The following NFYC variants were observed in gnomAD, a reference collection of about 807,000 sequenced individuals.
NFYC encodes the protein CAAT box DNA-binding protein subunit C.
Under a neutral mutation model 53.1 loss-of-function variants are expected in NFYC, and 25 were observed. The ratio of observed to expected loss-of-function variants is 0.47; its 90% CI spans 0.34 to 0.66. The LOEUF is 0.66. NFYC is among the 30% of genes least tolerant of loss of function. The pLI, the probability that NFYC is intolerant of heterozygous loss-of-function variation, is 0.01. For missense variants in NFYC, 260 were observed against 422.7 expected, an observed-to-expected ratio of 0.62 and a Z score of 3.38; for synonymous variants, 145 against 152.6, an observed-to-expected ratio of 0.95 and a Z score of 0.37.
intron 1 of NFYC, among the ~76,000 whole-genome samples, chr1:40,734,110 G>A (rs1644904068): frequency 6.6e-6 from 1 of 151,994 alleles, no homozygotes; most frequent in Non-Finnish European, 1.5e-5. Context: ...CAAACTACTG[G>A]CCTGAAGTGA....
intron 1 of NFYC, among the ~76,000 whole-genome samples, chr1:40,738,313 A>G (rs1403820504): frequency 6.6e-6 from 1 of 152,200 alleles, no homozygotes; most frequent in Non-Finnish European, 1.5e-5. Context: ...AACCACAGGC[A>G]TGCACCTTTG....
intron 1 of NFYC, 32 bp from the exon 2 acceptor site, chr1:40,738,804 C>T: frequency 6.7e-7 from 1 of 1,486,728 alleles, no homozygotes; most frequent in Non-Finnish European, 9.4e-7. Context: ...TTTATTGTTT[C>T]TAATGTGTCT....
intron 2 of NFYC, among the ~76,000 whole-genome samples, chr1:40,744,978 A>G (rs1557856274): frequency 6.6e-6 from 1 of 152,204 alleles, no homozygotes; most frequent in Non-Finnish European, 1.5e-5. Flanking sequence ...CTCAAGATCC[A>G]CTTTTACACA....
At chr1:40,767,164 G>A (rs1646856834) in intron 8 of NFYC, 1 of 597,670 alleles carries the variant, frequency 1.7e-6, no homozygotes, top group African/African-American at 1.8e-5. Context: ...CTCCTCTCGT[G>A]CCCTACAATA....
In NFYC at chr1:40,771,368, G is replaced by T; in HGVS notation, c.*540G>T. 1 of 466,566 alleles carries T rather than the reference G, an allele frequency of 2.1e-6. No individual in the cohort carries two copies. Among genetic ancestry groups the T allele is most frequent in the South Asian group, 1.6e-5 (1 of 63,782 alleles). The allele number at this position is 466,566 out of a possible 1,614,324, so 28.9% of individuals were successfully genotyped here. A position where few individuals can be genotyped will look rare whatever the true frequency, so the allele number is the denominator to read the frequency against. On this transcript the variant is annotated 3_prime_UTR_variant, in exon 10 of 10. Transcript: ENST00000447388. ...CCTTGCTCTGACCCCAGAGCTCTGT[G>T]TATTTGCATCCAGAGGCCATGGAAA...
chr1:40,706,580 G>T (rs1339907351), intron 1 of NFYC, among the ~76,000 whole-genome samples: 1 of 152,118 alleles, frequency 6.6e-6, no homozygotes, highest in Non-Finnish European at 1.5e-5. Flanking sequence ...GCTTTGGTGG[G>T]AGGAAGCAGA....
intron 2 of NFYC, among the ~76,000 whole-genome samples, chr1:40,739,604 T>C (rs944940): frequency 0.88 from 133,471 of 152,156 alleles, 58,661 homozygotes; most frequent in East Asian, 0.98. Context: ...AAATCATCCC[T>C]TGTTGAGAAC....
chr1:40,707,480 CA>C (rs58438852), intron 1 of NFYC, among the ~76,000 whole-genome samples: 221 of 86,546 alleles, frequency 2.6e-3, no homozygotes, highest in African/African-American at 7.6e-3. Flanking sequence ...ACTCCATCTC[CA>C]AAAAAAAAAA....
At chr1:40,726,643 C>T (rs1644533027) in intron 1 of NFYC, among the ~76,000 whole-genome samples, 1 of 152,094 alleles carries the variant, frequency 6.6e-6, no homozygotes, top group Non-Finnish European at 1.5e-5. Flanking sequence ...TCTCAAACTC[C>T]TGGGCTGAAG....
At chr1:40,727,039 G>A (rs891279533) in intron 1 of NFYC, among the ~76,000 whole-genome samples, 3 of 152,098 alleles carry the variant, frequency 2.0e-5, no homozygotes, top group African/African-American at 4.8e-5. Flanking sequence ...CTCAGGCTCC[G>A]CTTCTAATTA....
intron 7 of NFYC, among the ~76,000 whole-genome samples, chr1:40,764,453 T>A (rs1018619284): frequency 6.6e-6 from 1 of 152,240 alleles, no homozygotes; most frequent in Non-Finnish European, 1.5e-5. Flanking sequence ...TCTGCCTTGC[T>A]TCATTGTTTC....
At chr1:40,707,346 T>C (rs918938905) in intron 1 of NFYC, among the ~76,000 whole-genome samples, 4 of 148,878 alleles carry the variant, frequency 2.7e-5, no homozygotes, top group African/African-American at 1.0e-4. Context: ...ATACAAAAAT[T>C]AGCTGGGCAT....
intron 5 of NFYC, 69 bp from the exon 6 acceptor site, chr1:40,758,052 T>C: frequency 6.4e-7 from 1 of 1,565,696 alleles, no homozygotes. Flanking sequence ...GGGGGAAGAG[T>C]GGAAATTCAC....
intron 6 of NFYC, among the ~76,000 whole-genome samples, chr1:40,760,225 G>A (rs1646467988): frequency 1.3e-5 from 2 of 152,282 alleles, no homozygotes; most frequent in Admixed American, 6.5e-5. Context: ...CCACAGTGGT[G>A]GGATGACAGG....
chr1:40,759,832 C>T (rs553660774), intron 6 of NFYC, among the ~76,000 whole-genome samples: 8 of 152,040 alleles, frequency 5.3e-5, no homozygotes, highest in East Asian at 3.9e-4. Context: ...AAGTAGTCAG[C>T]GTAGGGGACC....
At chr1:40,730,195 CT>C (rs34045698) in intron 1 of NFYC, among the ~76,000 whole-genome samples, 22,536 of 101,952 alleles carry the variant, frequency 0.22, 1,917 homozygotes, top group South Asian at 0.36. Flanking sequence ...TCTTTCTTTT[CT>C]TTTTTTTTTT....
chr1:40,763,140 A>G, intron 7 of NFYC, 94 bp downstream of exon 7: 1 of 1,154,810 alleles, frequency 8.7e-7, no homozygotes, highest in East Asian at 2.7e-5. Flanking sequence ...ATCTCTATAT[A>G]TACCTTGATA....
chr1:40,766,831 C>T, intron 8 of NFYC, 128 bp downstream of exon 8: 1 of 1,488,054 alleles, frequency 6.7e-7, no homozygotes, highest in Non-Finnish European at 9.2e-7. Flanking sequence ...ACCCCCACAC[C>T]CTCCATATCC....
chr1:40,741,689 A>G (rs2148628518), intron 2 of NFYC, among the ~76,000 whole-genome samples: 1 of 149,146 alleles, frequency 6.7e-6, no homozygotes, highest in Non-Finnish European at 1.5e-5. Context: ...TGCAGCCTCG[A>G]CCTCTCAGGC....
Sources: allele counts gnomAD v4.1 joint callset (sites outside exome capture counted in the v4.1 genomes callset), GRCh38; gene constraint gnomAD v4.1.1; transcripts MANE v1.5; gene names NCBI Gene and HGNC (gene_info 2026-07-23, HGNC 2026-07-21).